Variants in CFDP1 observed in about 807,000 individuals in gnomAD.
CFDP1 encodes the protein heterochromatin-stabilizing protein CFDP1.
CFDP1 carries 31 observed loss-of-function variants against 40.1 expected under a neutral mutation model. The observed-to-expected ratio is 0.77, with a 90% confidence interval of 0.58 to 1.04. The LOEUF (loss-of-function observed/expected upper bound fraction) is 1.04. Ranked by LOEUF, CFDP1 falls within the 50% of genes least tolerant of loss-of-function variation. The pLI, the probability that CFDP1 is intolerant of heterozygous loss-of-function variation, is 0.00. For synonymous variants in CFDP1, 167 were observed against 120.0 expected (o/e 1.39, Z -2.56); for missense variants, 423 against 343.4 (o/e 1.23, Z -1.83).
At chr16:75,374,713 G>C (rs921402573) in intron 5 of CFDP1, among the ~76,000 whole-genome samples, 4 of 151,584 alleles carry the variant, frequency 2.6e-5, no homozygotes, top group Non-Finnish European at 1.5e-5. Flanking sequence ...ACATATTTTA[G>C]CCCTATTAAA....
intron 5 of CFDP1, among the ~76,000 whole-genome samples, chr16:75,340,591 C>T (rs1385599636): frequency 6.6e-6 from 1 of 151,928 alleles, no homozygotes; most frequent in Non-Finnish European, 1.5e-5. Context: ...AATAAAAAAC[C>T]AGTTTTATTA....
chr16:75,384,125 G>T (rs868456144), intron 5 of CFDP1, among the ~76,000 whole-genome samples: 2 of 152,168 alleles, frequency 1.3e-5, no homozygotes, highest in Non-Finnish European at 2.9e-5. Context: ...CACTTTGTGA[G>T]GCTGAGGTGG....
chr16:75,338,898 A>G (rs1245477140), intron 5 of CFDP1, among the ~76,000 whole-genome samples: 3 of 152,150 alleles, frequency 2.0e-5, no homozygotes, highest in East Asian at 1.9e-4. Flanking sequence ...TCTGATGCCA[A>G]CTTGATCCTT....
chr16:75,368,956 T>A (rs2078734436), intron 5 of CFDP1, among the ~76,000 whole-genome samples: 2 of 152,218 alleles, frequency 1.3e-5, no homozygotes, highest in African/African-American at 4.8e-5. Flanking sequence ...CATTTTTCAA[T>A]AACTTAAAGA....
intron 5 of CFDP1, among the ~76,000 whole-genome samples, chr16:75,328,430 C>CAAA (rs147289771): frequency 7.4e-6 from 1 of 135,622 alleles, no homozygotes; most frequent in South Asian, 2.4e-4. Context: ...TCGAAAAATA[C>CAAA]AAAAAAAAAA....
At chr16:75,323,547 G>A (rs1187186879) in intron 5 of CFDP1, among the ~76,000 whole-genome samples, 1 of 151,832 alleles carries the variant, frequency 6.6e-6, no homozygotes, top group African/African-American at 2.4e-5. Flanking sequence ...TGTGAAGGCC[G>A]AGGCAGGTGG....
intron 5 of CFDP1, among the ~76,000 whole-genome samples, chr16:75,390,113 C>A (rs1282322998): frequency 6.6e-6 from 1 of 152,156 alleles, no homozygotes; most frequent in East Asian, 1.9e-4. Flanking sequence ...TCACTTTACC[C>A]TGTTTATAAG....
chr16:75,422,367 T>C (rs1567682435), intron 1 of CFDP1, among the ~76,000 whole-genome samples: 1 of 151,986 alleles, frequency 6.6e-6, no homozygotes, highest in Non-Finnish European at 1.5e-5. Context: ...AGTGCTGGGA[T>C]TACAGGCGTG....
chr16:75,431,943 G>C (rs1382697126), intron 1 of CFDP1, among the ~76,000 whole-genome samples: 4 of 139,684 alleles, frequency 2.9e-5, no homozygotes, highest in African/African-American at 7.9e-5. Context: ...ACGGAGTCTC[G>C]CTCTGTCACC....
intron 5 of CFDP1, among the ~76,000 whole-genome samples, chr16:75,368,895 G>T (rs2078734122): frequency 6.6e-6 from 1 of 151,918 alleles, no homozygotes. Flanking sequence ...TTTTTTTAAG[G>T]AGTCTGATAC....
intron 5 of CFDP1, among the ~76,000 whole-genome samples, chr16:75,340,917 G>C (rs1251427092): frequency 3.9e-5 from 6 of 152,138 alleles, no homozygotes; most frequent in African/African-American, 9.7e-5. Context: ...ACCTCAGCTG[G>C]TAATGGCTGG....
chr16:75,400,719 C>A (rs185422724), intron 4 of CFDP1, among the ~76,000 whole-genome samples: 1 of 152,200 alleles, frequency 6.6e-6, no homozygotes, highest in Non-Finnish European at 1.5e-5. Flanking sequence ...GCCAGAGCAA[C>A]CCTGAAGCCT....
chr16:75,419,029 T>C (rs1001426318), intron 1 of CFDP1: 1 of 394,328 alleles, frequency 2.5e-6, no homozygotes, highest in Non-Finnish European at 5.2e-6. Flanking sequence ...TGTAGTTCCA[T>C]CTACTGGGGA....
At chr16:75,397,687 T>A (rs944612440) in intron 4 of CFDP1, among the ~76,000 whole-genome samples, 3 of 151,714 alleles carry the variant, frequency 2.0e-5, no homozygotes, top group Admixed American at 6.6e-5. Flanking sequence ...TACACCTGTA[T>A]CCTAGCTACT....
chr16:75,324,044 G>A (rs1388855302), intron 5 of CFDP1, among the ~76,000 whole-genome samples: 1 of 152,198 alleles, frequency 6.6e-6, no homozygotes, highest in African/African-American at 2.4e-5. Flanking sequence ...AGCCCTTATC[G>A]TTGAGTGCCT....
At chr16:75,402,510 G>C (rs1379833093) in intron 4 of CFDP1, among the ~76,000 whole-genome samples, 1 of 152,134 alleles carries the variant, frequency 6.6e-6, no homozygotes, top group East Asian at 1.9e-4. Context: ...AAAATGAAAT[G>C]ATCAAAGCCC....
At chr16:75,344,490 A>G (rs1214432249) in intron 5 of CFDP1, among the ~76,000 whole-genome samples, 1 of 152,234 alleles carries the variant, frequency 6.6e-6, no homozygotes, top group Non-Finnish European at 1.5e-5. Flanking sequence ...CAACCACGTT[A>G]TAGCTTATGT....
At chr16:75,374,398 G>C (rs1038632262) in intron 5 of CFDP1, among the ~76,000 whole-genome samples, 1 of 151,990 alleles carries the variant, frequency 6.6e-6, no homozygotes, top group Non-Finnish European at 1.5e-5. Context: ...AATAGGCTTA[G>C]ATTACTCCAT....
At chr16:75,336,227 T>C (rs2078486905) in intron 5 of CFDP1, among the ~76,000 whole-genome samples, 1 of 152,180 alleles carries the variant, frequency 6.6e-6, no homozygotes, top group African/African-American at 2.4e-5. Flanking sequence ...AACAAGACAC[T>C]GCCCTCAAGG....
Sources: gnomAD v4.1 joint callset for allele counts (sites outside exome capture counted in the v4.1 genomes callset) on GRCh38, gnomAD v4.1.1 for gene constraint, MANE v1.5 for transcripts, NCBI Gene and HGNC (gene_info 2026-07-23, HGNC 2026-07-21) for gene names.